Variants in PKIB observed in about 807,000 individuals in gnomAD.
PKIB encodes cAMP-dependent protein kinase inhibitor beta.
In PKIB, 2 loss-of-function variants were observed where a neutral mutation model predicts 4.5. That is an observed-to-expected ratio of 0.44 (90% CI 0.18 to 1.39). PKIB has a LOEUF of 1.39. PKIB is among the 40% of genes most tolerant of loss of function. The pLI is 0.27. For synonymous variants in PKIB, 38 were observed against 36.0 expected (o/e 1.06, Z -0.20); for missense variants, 94 against 92.6 (o/e 1.02, Z -0.06).
At chr6:122,699,003 A>G (rs1582823475) in intron 3 of PKIB, among the ~76,000 whole-genome samples, 2 of 152,242 alleles carry the variant, frequency 1.3e-5, no homozygotes, top group South Asian at 4.1e-4. Context: ...GTATATTCTT[A>G]ATGAATACGT....
intron 2 of PKIB, among the ~76,000 whole-genome samples, chr6:122,532,661 T>G (rs1777294148): frequency 6.6e-6 from 1 of 152,222 alleles, no homozygotes; most frequent in South Asian, 2.1e-4. Flanking sequence ...CCATAATGTT[T>G]TAAAGGTTTA....
intron 2 of PKIB, among the ~76,000 whole-genome samples, chr6:122,488,776 T>C (rs536581126): frequency 8.5e-5 from 13 of 152,320 alleles, no homozygotes; most frequent in Admixed American, 8.5e-4. Flanking sequence ...ATTAATTGCT[T>C]CTAGGCTTTC....
At chr6:122,516,033 T>C (rs1776740124) in intron 2 of PKIB, among the ~76,000 whole-genome samples, 1 of 152,146 alleles carries the variant, frequency 6.6e-6, no homozygotes, top group African/African-American at 2.4e-5. Context: ...TTTTTAATGA[T>C]TCCTGGCTCA....
chr6:122,619,442 T>C (rs1481431596), intron 1 of PKIB, among the ~76,000 whole-genome samples: 1 of 152,088 alleles, frequency 6.6e-6, no homozygotes, highest in African/African-American at 2.4e-5. Context: ...TTATAGCTAT[T>C]TGTCCTATAA....
chr6:122,652,614 T>C (rs557420908), intron 2 of PKIB: 2 of 152,280 alleles, frequency 1.3e-5, no homozygotes, highest in East Asian at 3.9e-4. Flanking sequence ...TAATGTTTGA[T>C]TGAACAACTG....
At chr6:122,488,149 A>G (rs1198253906) in intron 2 of PKIB, among the ~76,000 whole-genome samples, 6 of 151,952 alleles carry the variant, frequency 3.9e-5, no homozygotes, top group Non-Finnish European at 8.8e-5. Flanking sequence ...TTCTCATTTC[A>G]TCATTCTTTC....
At chr6:122,576,767 A>G (rs1353900384) in intron 2 of PKIB, among the ~76,000 whole-genome samples, 1 of 148,406 alleles carries the variant, frequency 6.7e-6, no homozygotes, top group Admixed American at 6.7e-5. Flanking sequence ...AAAAAGTAAA[A>G]GGAACTATTT....
chr6:122,681,065 C>A (rs1487102019), intron 3 of PKIB, among the ~76,000 whole-genome samples: 1 of 152,148 alleles, frequency 6.6e-6, no homozygotes, highest in East Asian at 1.9e-4. Flanking sequence ...TCTTTTCCTA[C>A]CTCAATACCA....
chr6:122,701,465 A>G, intron 3 of PKIB: 1 of 1,591,160 alleles, frequency 6.3e-7, no homozygotes, highest in South Asian at 1.1e-5. Flanking sequence ...ATCACCTGCC[A>G]AACACAGGCT....
rs74989619 is a variant in PKIB, at chr6:122,575,743, A to G, written c.-247-10178A>G. Reference sequence around the variant, plus strand: ...AACGATGCAAAGGCATAACAGTACTATAATGGACTTTGTGGACTCAGAGGG... The same window carrying G: ...AACGATGCAAAGGCATAACAGTACTGTAATGGACTTTGTGGACTCAGAGGG... On this transcript the variant is annotated intron_variant, in intron 2 of 6. Coordinates refer to the PKIB transcript ENST00000392491. Among the ~76,000 whole-genome samples the G allele has an allele frequency of 2.2e-3, 336 of 152,312 alleles. 8 individuals carry two copies. In the East Asian group the frequency reaches 0.044, roughly 20 times the overall value.
chr6:122,631,021 G>C (rs1342370900), intron 1 of PKIB, among the ~76,000 whole-genome samples: 2 of 152,162 alleles, frequency 1.3e-5, no homozygotes, highest in Non-Finnish European at 2.9e-5. Flanking sequence ...AGACTTCCTT[G>C]AGCTGAGGCC....
intron 2 of PKIB, among the ~76,000 whole-genome samples, chr6:122,671,380 T>G (rs1223824251): frequency 1.0e-5 from 1 of 98,256 alleles, no homozygotes; most frequent in Non-Finnish European, 2.7e-5. Context: ...AAGCATAGGT[T>G]AGGTCTTATC....
At chr6:122,564,125 G>A (rs895580323) in intron 2 of PKIB, among the ~76,000 whole-genome samples, 1 of 152,186 alleles carries the variant, frequency 6.6e-6, no homozygotes, top group African/African-American at 2.4e-5. Context: ...CAGTGGATAT[G>A]TGTGTTCGGG....
At chr6:122,543,070 C>T (rs112449557) in intron 2 of PKIB, among the ~76,000 whole-genome samples, 2,169 of 152,118 alleles carry the variant, frequency 0.014, 77 homozygotes, top group African/African-American at 0.05. Flanking sequence ...GTTGGAAAAG[C>T]GCAGTATTAG....
rs57206750 is a variant in PKIB at position 122,637,418 on chromosome 6, C to G, written c.-76+4051C>G. ...TTTATCTCCTGAAGGCACACAGCAT[C>G]ACAGAAATTTTTGTGTGAAGAATAC... On this transcript the variant is annotated intron_variant, in intron 2 of 4. Transcript: ENST00000368452. Among the ~76,000 whole-genome samples, 883 of 152,188 alleles carry G rather than the reference C, an allele frequency of 5.8e-3. 9 individuals are homozygous for G. The highest frequency in any genetic ancestry group is 0.02 in the African/African-American group (846 of 41,518).
intron 2 of PKIB, chr6:122,481,713 T>C (rs1255633291): frequency 1.3e-5 from 2 of 152,180 alleles, no homozygotes; most frequent in Non-Finnish European, 2.9e-5. Flanking sequence ...TTGTGTAAAG[T>C]AAACAAGATA....
chr6:122,649,874 G>T (rs964469708), intron 2 of PKIB, among the ~76,000 whole-genome samples: 9 of 152,280 alleles, frequency 5.9e-5, no homozygotes, highest in African/African-American at 2.2e-4. Context: ...GCCAAAGGCT[G>T]CAGTCAACAT....
chr6:122,688,942 G>C (rs893550087), intron 3 of PKIB, among the ~76,000 whole-genome samples: 2 of 151,732 alleles, frequency 1.3e-5, no homozygotes, highest in East Asian at 1.9e-4. Flanking sequence ...CACCACGCCC[G>C]TCTAATTTTT....
At chr6:122,636,457 A>G (rs1263147480) in intron 2 of PKIB, among the ~76,000 whole-genome samples, 1 of 152,068 alleles carries the variant, frequency 6.6e-6, no homozygotes, top group Non-Finnish European at 1.5e-5. Context: ...ATTAAATATT[A>G]TATAGCTATG....
Sources: gnomAD v4.1 joint callset for allele counts (sites outside exome capture counted in the v4.1 genomes callset) on GRCh38, gnomAD v4.1.1 for gene constraint, MANE v1.5 for transcripts, NCBI Gene and HGNC (gene_info 2026-07-23, HGNC 2026-07-21) for gene names.